Variants in FHIT observed in about 807,000 individuals in gnomAD.
The protein encoded by FHIT is bis(5'-adenosyl)-triphosphatase.
In FHIT, 19 loss-of-function variants were observed where a neutral mutation model predicts 17.9. The ratio of observed to expected loss-of-function variants is 1.06; its 90% CI spans 0.74 to 1.56. FHIT has a LOEUF of 1.56. Ranked by LOEUF, FHIT falls within the 40% of genes most tolerant of loss-of-function variation. FHIT has a pLI of 0.00. For synonymous variants in FHIT, 81 were observed against 69.7 expected (o/e 1.16, Z -0.81); for missense variants, 248 against 189.2 (o/e 1.31, Z -1.82).
At chr3:60,397,434 G>A (rs1359423289) in intron 5 of FHIT, among the ~76,000 whole-genome samples, 1 of 152,158 alleles carries the variant, frequency 6.6e-6, no homozygotes, top group Non-Finnish European at 1.5e-5. Context: ...CCAACTAGGA[G>A]TCCTTGAGCC....
chr3:60,950,088 CTA>C (rs1279310783), intron 3 of FHIT, among the ~76,000 whole-genome samples: 4 of 152,150 alleles, frequency 2.6e-5, no homozygotes, highest in Non-Finnish European at 4.4e-5. Context: ...ATTACCTTTT[CTA>C]TGTTTAGATA....
In FHIT at chr3:60,864,880, C is replaced by T. The variant is rs78522827; in HGVS notation, c.-110-42869G>A. ...AAATGCATCAAAACCCTAAAAGATT[C>T]GATTAACTCTATGGAAATGAGGATA... On this transcript the variant is annotated intron_variant, in intron 3 of 9. Transcript: ENST00000492590. Among the ~76,000 whole-genome samples the T allele has an allele frequency of 7.8e-3, 1,188 of 152,010 alleles. 10 individuals carry two copies. Among genetic ancestry groups the T allele is most frequent in the African/African-American group, 0.027 (1,140 of 41,472 alleles).
intron 5 of FHIT, among the ~76,000 whole-genome samples, chr3:60,039,900 G>C (rs954865416): frequency 6.6e-6 from 1 of 152,166 alleles, no homozygotes; most frequent in Non-Finnish European, 1.5e-5. Flanking sequence ...AAGAAATTAT[G>C]AGTTCACAAA....
chr3:60,491,276 T>G (rs2034053191), intron 5 of FHIT, among the ~76,000 whole-genome samples: 1 of 152,008 alleles, frequency 6.6e-6, no homozygotes, highest in East Asian at 1.9e-4. Flanking sequence ...ACCGATGTAG[T>G]TTCTCTCTCC....
intron 5 of FHIT, among the ~76,000 whole-genome samples, chr3:60,296,593 A>C (rs1312953707): frequency 6.6e-6 from 1 of 152,018 alleles, no homozygotes; most frequent in South Asian, 2.1e-4. Flanking sequence ...ATTTACTCCC[A>C]GTCTGCAGCT....
intron 5 of FHIT, among the ~76,000 whole-genome samples, chr3:60,285,705 G>A (rs1284318804): frequency 6.6e-6 from 1 of 152,128 alleles, no homozygotes; most frequent in Non-Finnish European, 1.5e-5. Context: ...TCTTGTACTT[G>A]GTGTTGGCTG....
At chr3:60,296,218 AGGGGGGAAGGAG>A (rs1402356197) in intron 5 of FHIT, among the ~76,000 whole-genome samples, 2 of 152,088 alleles carry the variant, frequency 1.3e-5, no homozygotes, top group Non-Finnish European at 1.5e-5. Context: ...ATAGAGGGGA[AGGGGGGAAGGAG>A]GAGGGGAAAG....
intron 8 of FHIT, among the ~76,000 whole-genome samples, chr3:59,886,065 C>A (rs971259342): frequency 1.3e-5 from 2 of 152,224 alleles, no homozygotes; most frequent in African/African-American, 4.8e-5. Context: ...TCTAAGGCAG[C>A]TTTCTGGACC....
intron 4 of FHIT, among the ~76,000 whole-genome samples, chr3:60,802,158 T>C (rs1177299375): frequency 1.3e-5 from 2 of 152,210 alleles, no homozygotes; most frequent in South Asian, 2.1e-4. Flanking sequence ...ACTAATTTCA[T>C]GGTAATTGGC....
intron 5 of FHIT, among the ~76,000 whole-genome samples, chr3:60,101,482 T>G (rs1353839671): frequency 6.6e-6 from 1 of 152,220 alleles, no homozygotes; most frequent in African/African-American, 2.4e-5. Flanking sequence ...CTACCTATGC[T>G]TTCTACAAAG....
intron 5 of FHIT, among the ~76,000 whole-genome samples, chr3:60,363,216 T>C (rs1471980096): frequency 5.9e-5 from 9 of 152,124 alleles, no homozygotes. Context: ...CATCAGTCCT[T>C]ACCATTGCTC....
intron 7 of FHIT, among the ~76,000 whole-genome samples, chr3:59,956,433 G>T (rs1707402444): frequency 6.6e-6 from 1 of 152,212 alleles, no homozygotes; most frequent in Non-Finnish European, 1.5e-5. Flanking sequence ...ACTTTGGGAG[G>T]CCGAGGCGGG....
chr3:60,967,439 A>G (rs1709797263), intron 3 of FHIT, among the ~76,000 whole-genome samples: 1 of 152,226 alleles, frequency 6.6e-6, no homozygotes, highest in African/African-American at 2.4e-5. Flanking sequence ...CATGGTTTCA[A>G]TATTTACACT....
At chr3:60,755,770 A>T (rs1162774803) in intron 4 of FHIT, among the ~76,000 whole-genome samples, 4 of 152,210 alleles carry the variant, frequency 2.6e-5, no homozygotes, top group Admixed American at 2.0e-4. Context: ...TGGTTAAATA[A>T]GTTAAGGAAC....
At chr3:61,041,868 T>C (rs1422303909) in intron 3 of FHIT, among the ~76,000 whole-genome samples, 179 bp downstream of exon 3, 2 of 152,166 alleles carry the variant, frequency 1.3e-5, no homozygotes, top group Admixed American at 6.5e-5. Flanking sequence ...AAAATCTTTG[T>C]GTAGTTCTTG....
chr3:61,170,318 C>CT, intron 2 of FHIT, among the ~76,000 whole-genome samples: 1 of 152,248 alleles, frequency 6.6e-6, no homozygotes, highest in South Asian at 2.1e-4. Context: ...TAAATAATCT[C>CT]TTTAAAGAAA....
chr3:60,675,099 C>G (rs1173172658), intron 4 of FHIT, among the ~76,000 whole-genome samples: 2 of 152,210 alleles, frequency 1.3e-5, no homozygotes, highest in South Asian at 2.1e-4. Context: ...AGGGGTTTAC[C>G]TTGTCTCAAG....
intron 2 of FHIT, among the ~76,000 whole-genome samples, chr3:61,097,182 T>A (rs548274440): frequency 4.6e-5 from 7 of 152,170 alleles, no homozygotes; most frequent in African/African-American, 1.7e-4. Context: ...GATGGATGAT[T>A]TCTGCATTTC....
intron 5 of FHIT, among the ~76,000 whole-genome samples, chr3:60,424,290 G>C (rs193127774): frequency 6.6e-6 from 1 of 152,104 alleles, no homozygotes; most frequent in South Asian, 2.1e-4. Flanking sequence ...AATACAGAGA[G>C]CAGTCTGGGG....
Sources: gnomAD v4.1 joint callset for allele counts (sites outside exome capture counted in the v4.1 genomes callset) on GRCh38, gnomAD v4.1.1 for gene constraint, MANE v1.5 for transcripts, NCBI Gene and HGNC (gene_info 2026-07-23, HGNC 2026-07-21) for gene names.